The following FSIP1 variants were observed in gnomAD, a reference collection of about 807,000 sequenced individuals.
FSIP1 encodes the protein fibrous sheath-interacting protein 1.
Under a neutral mutation model 60.9 loss-of-function variants are expected in FSIP1, and 65 were observed. That is an observed-to-expected ratio of 1.07 (90% CI 0.87 to 1.31). The LOEUF (loss-of-function observed/expected upper bound fraction) is 1.31, where lower values mean the gene tolerates loss of function less well. Ranked by LOEUF, FSIP1 falls within the 40% of genes most tolerant of loss-of-function variation. The pLI, the probability that FSIP1 is intolerant of heterozygous loss-of-function variation, is 0.00. For missense variants in FSIP1, 675 were observed against 665.5 expected, an observed-to-expected ratio of 1.01 and a Z score of -0.16; for synonymous variants, 209 against 221.2, an observed-to-expected ratio of 0.94 and a Z score of 0.49.
chr15:39,742,153 C>T (rs940181801), intron 5 of FSIP1, among the ~76,000 whole-genome samples: 3 of 152,114 alleles, frequency 2.0e-5, no homozygotes, highest in Non-Finnish European at 4.4e-5. Context: ...AACTTAAGCA[C>T]AAAAAGGATG....
At chr15:39,727,990 C>A (rs899724537) in intron 8 of FSIP1, among the ~76,000 whole-genome samples, 1 of 152,056 alleles carries the variant, frequency 6.6e-6, no homozygotes, top group African/African-American at 2.4e-5. Context: ...TATATACCAG[C>A]AACACCCAAG....
intron 11 of FSIP1, among the ~76,000 whole-genome samples, chr15:39,611,437 C>A (rs1323112696): frequency 2.0e-5 from 3 of 152,040 alleles, no homozygotes; most frequent in Non-Finnish European, 4.4e-5. Flanking sequence ...CAGGTATGCA[C>A]AACCATGCCC....
intron 5 of FSIP1, among the ~76,000 whole-genome samples, chr15:39,757,224 A>T (rs12324411): frequency 0.025 from 3,855 of 152,172 alleles, 153 homozygotes; most frequent in African/African-American, 0.084. Flanking sequence ...ATAATTTTTA[A>T]ATTTTTATAC....
chr15:39,753,402 A>G (rs1388741940), intron 5 of FSIP1, among the ~76,000 whole-genome samples: 1 of 150,950 alleles, frequency 6.6e-6, no homozygotes, highest in Non-Finnish European at 1.5e-5. Flanking sequence ...CCCCTATACC[A>G]TAACAAACAT....
Position 39,649,249 on chromosome 15 carries a change from G to C in FSIP1, c.1189-31004C>G, listed in dbSNP as rs1233826331. Among the ~76,000 whole-genome samples the C allele has an allele frequency of 2.0e-5, 3 of 152,212 alleles. No individual in the cohort carries two copies. The East Asian group carries it at 5.8e-4, about 29-fold the overall frequency. On this transcript the variant is annotated intron_variant, in intron 10 of 11. Transcript: ENST00000350221. The stretch of plus-strand genomic sequence containing the variant: ...AAGACCAAAAACACCTGTAAAGCCA[G>C]TGTGGCTCCCACTCCAGGAACTCTA...
At chr15:39,666,342 A>C (rs1893493720) in intron 10 of FSIP1, among the ~76,000 whole-genome samples, 1 of 152,230 alleles carries the variant, frequency 6.6e-6, no homozygotes, top group African/African-American at 2.4e-5. Flanking sequence ...GAAAAAGATA[A>C]GAAAAGGTTC....
rs145865413 is a variant in FSIP1 at position 39,724,251 on chromosome 15, A to G, written c.1050+2338T>C. On this transcript the variant is annotated intron_variant, in intron 9 of 11. Coordinates refer to ENST00000350221, the MANE Select transcript of FSIP1 (RefSeq NM_152597.5). ...ATGATAAGAAAATGGGACCATATTC[A>G]TACTTTTTTTTTTTTTTTTGAGACG... Among the ~76,000 whole-genome samples the G allele has an allele frequency of 5.6e-3, 838 of 148,956 alleles. 13 individuals carry two copies. Among genetic ancestry groups the G allele is most frequent in the African/African-American group, 0.02 (804 of 39,560 alleles).
chr15:39,781,248 T>TA (rs1425881475), intron 1 of FSIP1, among the ~76,000 whole-genome samples: 1 of 151,838 alleles, frequency 6.6e-6, no homozygotes, highest in Non-Finnish European at 1.5e-5. Flanking sequence ...AAAAATAAAA[T>TA]AAAAATCACA....
intron 9 of FSIP1, among the ~76,000 whole-genome samples, chr15:39,718,693 C>A (rs1895843803): frequency 1.3e-5 from 2 of 151,932 alleles, no homozygotes; most frequent in African/African-American, 4.8e-5. Context: ...AAATGGGTTT[C>A]ACTATGTTGC....
intron 9 of FSIP1, among the ~76,000 whole-genome samples, chr15:39,718,536 G>A (rs1271675196): frequency 6.7e-6 from 1 of 149,772 alleles, no homozygotes; most frequent in African/African-American, 2.5e-5. Context: ...TGCCACCCAG[G>A]CTGGAGTGCA....
At chr15:39,715,928 T>C (rs1595653442) in intron 9 of FSIP1, among the ~76,000 whole-genome samples, 1 of 152,148 alleles carries the variant, frequency 6.6e-6, no homozygotes. Flanking sequence ...TCTGCCATGA[T>C]TGTAAGTTTC....
intron 3 of FSIP1, among the ~76,000 whole-genome samples, chr15:39,766,064 A>T (rs1446336645): frequency 6.6e-6 from 1 of 152,172 alleles, no homozygotes; most frequent in African/African-American, 2.4e-5. Context: ...TTTCTCCTTC[A>T]TTCTGTTATA....
chr15:39,602,542 G>A (rs533002225), intron 11 of FSIP1, among the ~76,000 whole-genome samples: 1 of 152,304 alleles, frequency 6.6e-6, no homozygotes, highest in African/African-American at 2.4e-5. Flanking sequence ...CAGATGACTT[G>A]CAGTTTCAGA....
chr15:39,703,513 CTAATA>C (rs1177845780), intron 10 of FSIP1, among the ~76,000 whole-genome samples: 3 of 152,144 alleles, frequency 2.0e-5, no homozygotes, highest in Non-Finnish European at 4.4e-5. Flanking sequence ...CTGAAACCTA[CTAATA>C]TATTTATAAA....
chr15:39,743,336 T>C lies in FSIP1; in HGVS notation c.560-1436A>G, dbSNP rs371260545. Among the ~76,000 whole-genome samples, 3 of 152,290 alleles carry C rather than the reference T, an allele frequency of 2.0e-5. No individual in the cohort carries two copies. The East Asian group carries it at 5.8e-4, about 29-fold the overall frequency. The stretch of plus-strand genomic sequence containing the variant: ...GTATTCATTGCCTCAGAGAGAGGTG[T>C]GTACTACATACAACAAAGGTGCCAT... On this transcript the variant is annotated intron_variant, in intron 5 of 11. Transcript: ENST00000350221.
chr15:39,710,431 C>T (rs1595644622), intron 10 of FSIP1, among the ~76,000 whole-genome samples: 1 of 140,086 alleles, frequency 7.1e-6, no homozygotes, highest in Non-Finnish European at 1.5e-5. Context: ...AGAAGTGATA[C>T]TCTGTCTCAG....
At chr15:39,684,877 G>C (rs1398427694) in intron 10 of FSIP1, among the ~76,000 whole-genome samples, 3 of 152,146 alleles carry the variant, frequency 2.0e-5, no homozygotes, top group Admixed American at 6.5e-5. Context: ...CCCTCTCCCA[G>C]ATGAAGAAAC....
At chr15:39,631,340 T>C (rs1438347864) in intron 10 of FSIP1, among the ~76,000 whole-genome samples, 2 of 152,220 alleles carry the variant, frequency 1.3e-5, no homozygotes, top group Non-Finnish European at 2.9e-5. Flanking sequence ...TGTATGACAA[T>C]GGTTTAAGCA....
intron 5 of FSIP1, chr15:39,747,359 C>T (rs1288709705): frequency 6.6e-6 from 1 of 152,140 alleles, no homozygotes; most frequent in Non-Finnish European, 1.5e-5. Flanking sequence ...TTTAGGCCTA[C>T]CTATGGTTAT....
Sources: allele counts gnomAD v4.1 joint callset (sites outside exome capture counted in the v4.1 genomes callset), GRCh38; gene constraint gnomAD v4.1.1; transcripts MANE v1.5; gene names NCBI Gene and HGNC (gene_info 2026-07-23, HGNC 2026-07-21).